Variants in DNAH14 observed in about 807,000 individuals in gnomAD.
The protein encoded by DNAH14 is dynein axonemal heavy chain 14, also known as axonemal beta dynein heavy chain 14.
A neutral mutation model predicts 520.9 loss-of-function variants in DNAH14; 478 were observed. That is an observed-to-expected ratio of 0.92 (90% confidence interval 0.85 to 0.99). The LOEUF is 0.99. DNAH14 is among the 50% of genes least tolerant of loss of function. DNAH14 has a pLI of 0.00. For missense variants in DNAH14, 4,831 were observed against 5,234.5 expected (o/e 0.92, Z 2.38); for synonymous variants, 1,581 against 1,757.2 (o/e 0.90, Z 2.51).
chr1:225,059,035 A>T (rs1453170902), intron 17 of DNAH14, among the ~76,000 whole-genome samples: 3 of 152,186 alleles, frequency 2.0e-5, no homozygotes, highest in African/African-American at 4.8e-5. Context: ...GTAGATGTCT[A>T]TTAGGTCCGC....
At chr1:225,029,909 G>A (rs569121244) in intron 11 of DNAH14, among the ~76,000 whole-genome samples, 1 of 151,884 alleles carries the variant, frequency 6.6e-6, no homozygotes, top group African/African-American at 2.4e-5. Context: ...GAAAAATTTT[G>A]TTATAAAATC....
intron 77 of DNAH14, among the ~76,000 whole-genome samples, chr1:225,370,055 C>T (rs535938935): frequency 1.5e-4 from 23 of 152,062 alleles, no homozygotes; most frequent in Admixed American, 1.3e-3. Context: ...TTTGGGAGGC[C>T]GAGGCAGTTG....
Position 225,389,764 on chromosome 1 carries a change from G to A in DNAH14, c.13221G>A (p.Gln4407=). The A allele has an allele frequency of 6.4e-7, 1 of 1,552,252 alleles. No homozygotes were observed. The highest frequency in any genetic ancestry group is 2.4e-5 in the East Asian group (1 of 40,928). Residue 4407 remains glutamine (Q), a synonymous_variant, in exon 83 of 86, where the codon CAG becomes CAA. Transcript: ENST00000682510. ...RYMRFVTVWK[Q]SIPSTSQKCK... ...TGAGATTTGTCACAGTTTGGAAGCA[G>A]TCTATTCCATCAACTAGCCAAAAAT...
chr1:225,020,517 C>CAAAAAAAAAAAAAAAA (rs58033176), intron 10 of DNAH14, among the ~76,000 whole-genome samples: 1 of 127,018 alleles, frequency 7.9e-6, no homozygotes, highest in Non-Finnish European at 1.6e-5. Flanking sequence ...AAAAAAAAAA[C>CAAAAAAAAAAAAAAAA]AACTCAAAGG....
chr1:224,983,784 C>T (rs2062436035), intron 8 of DNAH14, among the ~76,000 whole-genome samples: 1 of 152,150 alleles, frequency 6.6e-6, no homozygotes, highest in Admixed American at 6.5e-5. Flanking sequence ...ATCAAGAACT[C>T]AACCCCTTTT....
chr1:225,211,383 A>C (rs1392418163), intron 41 of DNAH14, among the ~76,000 whole-genome samples: 1 of 152,192 alleles, frequency 6.6e-6, no homozygotes, highest in Non-Finnish European at 1.5e-5. Context: ...AACTGAATAG[A>C]TCAATCAGAA....
intron 41 of DNAH14, among the ~76,000 whole-genome samples, chr1:225,228,703 C>T (rs1283904934): frequency 4.6e-5 from 7 of 152,014 alleles, no homozygotes; most frequent in Non-Finnish European, 7.4e-5. Flanking sequence ...AGCTGGAATA[C>T]GAGTTATAAC....
At chr1:225,190,446 T>A (rs1181956233) in intron 37 of DNAH14, among the ~76,000 whole-genome samples, 1 of 151,988 alleles carries the variant, frequency 6.6e-6, no homozygotes, top group Non-Finnish European at 1.5e-5. Context: ...CAAAATAGCA[T>A]GAAACTTAAA....
Position 225,224,199 on chromosome 1 carries a change from C to G in DNAH14, c.6440-6874C>G, listed in dbSNP as rs572410072. Among the ~76,000 whole-genome samples the G allele has an allele frequency of 8.9e-4, 135 of 151,938 alleles. 1 individual carries two copies. Among genetic ancestry groups the G allele is most frequent in the African/African-American group, 3.1e-3 (128 of 41,438 alleles). On this transcript the variant is annotated intron_variant, in intron 41 of 85. Coordinates refer to ENST00000682510, the MANE Select transcript of DNAH14 (RefSeq NM_001367479.1). Reference sequence around the variant, plus strand: ...GAATCCTGTTTCCTATCCTAAAGGGCAATACAGCCCTAGACTCTCCCACAT... The same window carrying G: ...GAATCCTGTTTCCTATCCTAAAGGGGAATACAGCCCTAGACTCTCCCACAT...
At chr1:225,253,429 T>G (rs2092628060) in intron 44 of DNAH14, among the ~76,000 whole-genome samples, 1 of 152,106 alleles carries the variant, frequency 6.6e-6, no homozygotes, top group Non-Finnish European at 1.5e-5. Context: ...AGCTTAGAAA[T>G]AACTAAAACA....
At chr1:225,382,954 C>T (rs1173317754) in intron 81 of DNAH14, among the ~76,000 whole-genome samples, 4 of 152,192 alleles carry the variant, frequency 2.6e-5, no homozygotes, top group African/African-American at 9.7e-5. Flanking sequence ...AAGGCCATCA[C>T]AAAAGACCAT....
intron 64 of DNAH14, among the ~76,000 whole-genome samples, chr1:225,325,283 G>A (rs965409974): frequency 1.3e-5 from 2 of 151,578 alleles, no homozygotes; most frequent in African/African-American, 2.4e-5. Context: ...TCAGGAGTTC[G>A]AAACCAGCCT....
Position 225,303,257 on chromosome 1 carries a change from G to C in DNAH14, c.8733G>C (p.Thr2911=). 1 of 1,551,504 alleles carries C rather than the reference G, an allele frequency of 6.4e-7. No homozygotes were observed. The highest frequency in any genetic ancestry group is 8.7e-7 in the Non-Finnish European group (1 of 1,146,818). Residue 2911 remains threonine, a synonymous_variant, in exon 57 of 86, where the codon ACG becomes ACC. Coordinates refer to ENST00000682510, the MANE Select transcript of DNAH14 (RefSeq NM_001367479.1). ...ATCCTTCTATGATTAGCTCCTGCAC[G>C]ATCGATTGGTATGAGAGGTGGCCAG... ...RVYPSMISSC[T]IDWYERWPEE...
intron 37 of DNAH14, among the ~76,000 whole-genome samples, chr1:225,190,443 G>T (rs1421722809): frequency 6.6e-6 from 1 of 152,030 alleles, no homozygotes; most frequent in Admixed American, 6.6e-5. Flanking sequence ...ACTCAAAATA[G>T]CATGAAACTT....
intron 38 of DNAH14, among the ~76,000 whole-genome samples, chr1:225,202,677 A>G (rs2087008472): frequency 6.6e-6 from 1 of 152,136 alleles, no homozygotes; most frequent in Non-Finnish European, 1.5e-5. Context: ...TGCACACTGG[A>G]TTCACGCCCT....
At chr1:225,324,106 G>A (rs367930773) in intron 62 of DNAH14, 116 bp from the exon 63 acceptor site, 11 of 1,317,912 alleles carry the variant, frequency 8.3e-6, no homozygotes, top group African/African-American at 4.4e-5. Flanking sequence ...ATGAGCCGCC[G>A]CCCCCGGCCT....
chr1:225,145,393 A>G lies in DNAH14; in HGVS notation c.4794+14A>G, dbSNP rs1383305616. Reference sequence around the variant, plus strand: ...TTGGATTATAAGGTAAACCTTAAACATATGTGTCAGGAAGAAATATTGTAC... The same window carrying G: ...TTGGATTATAAGGTAAACCTTAAACGTATGTGTCAGGAAGAAATATTGTAC... On this transcript the variant is annotated intron_variant, in intron 30 of 85. Transcript: ENST00000682510. 1 of 1,533,026 alleles carries G rather than the reference A, an allele frequency of 6.5e-7. No individual in the cohort carries two copies. Among genetic ancestry groups the G allele is most frequent in the Non-Finnish European group, 8.8e-7 (1 of 1,137,262 alleles). The allele number at this position is 1,533,026 out of a possible 1,614,324, so 95.0% of individuals were successfully genotyped here. A position where few individuals can be genotyped will look rare whatever the true frequency, so the allele number is the denominator to read the frequency against.
chr1:225,388,152 A>G (rs1029742029), intron 81 of DNAH14, among the ~76,000 whole-genome samples: 3 of 152,222 alleles, frequency 2.0e-5, no homozygotes, highest in Non-Finnish European at 2.9e-5. Flanking sequence ...TTCAGCCAGG[A>G]TGGAAGCTTC....
intron 20 of DNAH14, among the ~76,000 whole-genome samples, chr1:225,083,985 G>A (rs549076927): frequency 6.6e-6 from 1 of 152,234 alleles, no homozygotes; most frequent in African/African-American, 2.4e-5. Flanking sequence ...GGGTAGATAG[G>A]TACATATGAT....
Sources: allele counts gnomAD v4.1 joint callset (sites outside exome capture counted in the v4.1 genomes callset), GRCh38; gene constraint gnomAD v4.1.1; transcripts MANE v1.5; gene names NCBI Gene and HGNC (gene_info 2026-07-23, HGNC 2026-07-21).